Variants in FEM1A observed in about 807,000 individuals in gnomAD.
FEM1A encodes the protein fem-1 homolog A, also known as protein fem-1 homolog A.
In FEM1A, 1 loss-of-function variant was observed where a neutral mutation model predicts 0.7. The ratio of observed to expected loss-of-function variants is 1.35; its 90% CI spans 0.48 to 6.40. The LOEUF (loss-of-function observed/expected upper bound fraction) is 6.40. Ranked by LOEUF, FEM1A falls within the 30% of genes most tolerant of loss-of-function variation. FEM1A has a pLI of 0.14. For missense variants in FEM1A, 721 were observed against 918.7 expected (o/e 0.78, Z 2.78); for synonymous variants, 391 against 420.6 (o/e 0.93, Z 0.86).
chr19:4,795,268 A>G lies in FEM1A; in HGVS notation c.*1404A>G, dbSNP rs1209544512. 1 of 167,060 alleles carries G rather than the reference A, an allele frequency of 6.0e-6. No individual in the cohort carries two copies. The highest frequency in any genetic ancestry group is 2.4e-5 in the African/African-American group (1 of 41,408). The allele number at this position is 167,060 out of a possible 1,614,324, so 10.3% of individuals were successfully genotyped here. A position where few individuals can be genotyped will look rare whatever the true frequency, so the allele number is the denominator to read the frequency against. On this transcript the variant is annotated 3_prime_UTR_variant, in exon 1 of 1. Transcript: ENST00000269856. ...AGCAGCAAACAGCAGCAGGGAAGCC[A>G]TTCTCACTGCATCCTCCCTGCAGTA... is the stretch of plus-strand genomic sequence containing the variant.
chr19:4,792,091 G>A lies in FEM1A; in HGVS notation c.237G>A (p.Glu79=), dbSNP rs769174099. Reference sequence around the variant, plus strand: ...GTGGCTCGGTGCACTTCGATGGCGAGACCATCGAGGGCGCGCCGCCGCTGT... The same window carrying A: ...GTGGCTCGGTGCACTTCGATGGCGAAACCATCGAGGGCGCGCCGCCGCTGT... ...EAGGSVHFDG[E]TIEGAPPLWA... is the part of the protein sequence containing the mutation. The change falls in exon 1 of 1, where the codon GAG becomes GAA. Residue 79 remains glutamate (E), a synonymous_variant. Coordinates refer to ENST00000269856, the MANE Select transcript of FEM1A (RefSeq NM_018708.3). The surrounding 1 kb of genome is among the most constrained non-coding windows in gnomAD (Gnocchi z 6.7). The A allele has an allele frequency of 2.0e-6, 3 of 1,526,786 alleles. No homozygotes were observed. In the African/African-American group the frequency reaches 4.2e-5, roughly 21 times the overall value. 94.6% of individuals were successfully genotyped at this position (1,526,786 alleles called of 1,614,324 possible).
In FEM1A at chr19:4,797,795, G is replaced by C; in HGVS notation, c.*3931G>C. ...CAAAAAAAAAAAAAAAAAAAAATTA[G>C]CCATGTGTAGTGATATGTAGTCCCA... is the stretch of plus-strand genomic sequence containing the variant. On this transcript the variant is annotated 3_prime_UTR_variant, in exon 1 of 1. Coordinates refer to ENST00000269856, the MANE Select transcript of FEM1A (RefSeq NM_018708.3). The C allele has an allele frequency of 7.0e-6, 1 of 142,778 alleles. No individual in the cohort carries two copies. Among genetic ancestry groups the C allele is most frequent in the African/African-American group, 2.6e-5 (1 of 38,318 alleles). 8.8% of individuals were successfully genotyped at this position (142,778 alleles called of 1,614,324 possible).
rs1419799425 is a variant in FEM1A, at chr19:4,793,531, C to G, written c.1677C>G (p.Pro559=). The G allele has an allele frequency of 6.2e-7, 1 of 1,613,166 alleles. No homozygotes were observed. Among genetic ancestry groups the G allele is most frequent in the African/African-American group, 1.3e-5 (1 of 75,040 alleles). Residue 559 remains proline (P), a synonymous_variant, in exon 1 of 1, where the codon CCC becomes CCG. Coordinates refer to ENST00000269856, the MANE Select transcript of FEM1A (RefSeq NM_018708.3). The surrounding 1 kb of genome is among the most constrained non-coding windows in gnomAD (Gnocchi z 5.1). The part of the protein sequence containing the change: ...NVGRYPVGRF[P]SLHVVKVLLD... ...GCCGCTATCCCGTGGGCAGATTCCC[C>G]TCCCTGCACGTGGTCAAAGTGCTGC...
rs1205138848 is a variant in FEM1A, at chr19:4,796,741, T to C, written c.*2877T>C. The C allele has an allele frequency of 6.6e-6, 1 of 152,406 alleles. No homozygotes were observed. Among genetic ancestry groups the C allele is most frequent in the East Asian group, 1.9e-4 (1 of 5,200 alleles). 9.4% of individuals were successfully genotyped at this position (152,406 alleles called of 1,614,324 possible). ...CCTGTGCGCCCGCCTCACGTGGCAGTGGGGAGAGGCCCTGCTGTGGGGCAC... is the reference window on the plus strand; with the variant it reads ...CCTGTGCGCCCGCCTCACGTGGCAGCGGGGAGAGGCCCTGCTGTGGGGCAC... On this transcript the variant is annotated 3_prime_UTR_variant, in exon 1 of 1. Transcript: ENST00000269856.
Position 4,791,826 on chromosome 19 carries a change from C to T in FEM1A, c.-29C>T. The T allele has an allele frequency of 1.4e-6, 2 of 1,456,294 alleles. No homozygotes were observed. Among genetic ancestry groups the T allele is most frequent in the Non-Finnish European group, 1.8e-6 (2 of 1,104,890 alleles). The allele number at this position is 1,456,294 out of a possible 1,614,324, so 90.2% of individuals were successfully genotyped here. Reference sequence around the variant, plus strand: ...CTCCGTCTCCCCGTCCCCCGGCGGCCGGCCCATGGCCTGGCGGAGGCCCGA... The same window carrying T: ...CTCCGTCTCCCCGTCCCCCGGCGGCTGGCCCATGGCCTGGCGGAGGCCCGA... On this transcript the variant is annotated 5_prime_UTR_variant, in exon 1 of 1. Transcript: ENST00000269856.
chr19:4,792,360 T>C lies in FEM1A; in HGVS notation c.506T>C (p.Leu169Pro), dbSNP rs1239693409. The change falls in exon 1 of 1, where the codon CTG becomes CCG. Residue 169 changes from leucine (L) to proline (P), a missense_variant. Leu to Pro is a moderately conservative substitution (Grantham distance 98). Transcript: ENST00000269856. This position sits in a 1 kb window ranked among gnomAD's most constrained non-coding sequence, Gnocchi z 6.7. Reference protein sequence around the residue: ...YKGHREIARYLLEQGAQVNRR... With the variant: ...YKGHREIARYPLEQGAQVNRR... ...GGCCACCGTGAGATCGCCCGCTACC[T>C]GCTGGAGCAGGGCGCCCAGGTGAAC... is the stretch of plus-strand genomic sequence containing the variant. The C allele has an allele frequency of 6.3e-7, 1 of 1,594,980 alleles. No individual in the cohort carries two copies. The highest frequency in any genetic ancestry group is 1.7e-5 in the Admixed American group (1 of 59,916).
rs865797594 is a variant in FEM1A at position 4,796,191 on chromosome 19, T to A, written c.*2327T>A. 0.16 allele frequency: 21,549 copies of A among 137,446 alleles called. 1,565 individuals are homozygous for A. Among genetic ancestry groups the A allele is most frequent in the Middle Eastern group, 0.19 (49 of 258 alleles). 8.5% of individuals were successfully genotyped at this position (137,446 alleles called of 1,614,324 possible). On this transcript the variant is annotated 3_prime_UTR_variant, in exon 1 of 1. Transcript: ENST00000269856. ...CATAGTAAGACCTCTGTCTCTACAT[T>A]TTTTTTTTTTTTTTTTTTGAGATGG...
Position 4,794,072 on chromosome 19 carries a change from G to C in FEM1A, c.*208G>C. 1.7e-6 allele frequency: 1 copy of C among 593,840 alleles called. No homozygotes were observed. The highest frequency in any genetic ancestry group is 3.1e-6 in the Non-Finnish European group (1 of 327,712). The allele number at this position is 593,840 out of a possible 1,614,324, so 36.8% of individuals were successfully genotyped here. A position where few individuals can be genotyped will look rare whatever the true frequency, so the allele number is the denominator to read the frequency against. On this transcript the variant is annotated 3_prime_UTR_variant, in exon 1 of 1. Coordinates refer to ENST00000269856, the MANE Select transcript of FEM1A (RefSeq NM_018708.3). Reference sequence around the variant, plus strand: ...AGCCTGCGGGGTCATGTGCTAAGAGGACAGTCTTTCTCCGGGAGCCCGCTC... The same window carrying C: ...AGCCTGCGGGGTCATGTGCTAAGAGCACAGTCTTTCTCCGGGAGCCCGCTC...
rs770972067 is a variant in FEM1A, at chr19:4,792,711, A to T, written c.857A>T (p.Tyr286Phe). 5 of 1,612,090 alleles carry T rather than the reference A, an allele frequency of 3.1e-6. No homozygotes were observed. In the South Asian group the frequency reaches 5.5e-5, roughly 18 times the overall value. The change falls in exon 1 of 1, where the codon TAC becomes TTC. Residue 286 changes from tyrosine to phenylalanine, a missense_variant. Tyr to Phe is a conservative substitution (Grantham distance 22, BLOSUM62 3). Transcript: ENST00000269856. The surrounding 1 kb of genome is among the most constrained non-coding windows in gnomAD (Gnocchi z 6.7). Reference protein sequence around the residue: ...SPEEPLNGESYESCCPTSREA... With the variant: ...SPEEPLNGESFESCCPTSREA... ...GAGGAACCACTGAACGGGGAATCTT[A>T]CGAAAGCTGCTGTCCCACCAGCCGG...
chr19:4,792,966 G>T lies in FEM1A; in HGVS notation c.1112G>T (p.Arg371Leu), dbSNP rs759620118. The T allele has an allele frequency of 8.1e-6, 13 of 1,612,696 alleles. No homozygotes were observed. The highest frequency in any genetic ancestry group is 1.3e-5 in the African/African-American group (1 of 74,872). ...CTGATCACCGACCCGGATGAGATGC[G>T]CATGCAGGCCCTGTTGATCCGGGAG... Reference protein sequence around the residue: ...EALITDPDEMRMQALLIRERI... With the variant: ...EALITDPDEMLMQALLIRERI... The change falls in exon 1 of 1, where the codon CGC (arginine) becomes CTC (leucine). Residue 371 changes from arginine to leucine, a missense_variant. Around this residue, in one of 4 missense-constraint regions of FEM1A, gnomAD observed 379 missense variants for 454.8 expected, o/e 0.83. Transcript: ENST00000269856. The surrounding 1 kb of genome is among the most constrained non-coding windows in gnomAD (Gnocchi z 6.7).
At position 4,796,787 on chromosome 19, in the gene FEM1A, C is replaced by T. The variant is rs931866763; in HGVS notation, c.*2923C>T. 2.0e-5 allele frequency: 3 copies of T among 152,530 alleles called. No individual in the cohort carries two copies. The allele number at this position is 152,530 out of a possible 1,614,324, so 9.4% of individuals were successfully genotyped here. A position where few individuals can be genotyped will look rare whatever the true frequency, so the allele number is the denominator to read the frequency against. ...GGCACCGCATGCTGCTTCCATGGTG[C>T]ATTGGGTTGGAGGGCTCTTCTCCCG... On this transcript the variant is annotated 3_prime_UTR_variant, in exon 1 of 1. Transcript: ENST00000269856.
In FEM1A at chr19:4,792,535, C is replaced by T; in HGVS notation, c.681C>T (p.His227=). ...TGCTCGCGGCCAGCGTGACGGGCCA[C>T]ACCAACATCGTGGAGTACCTCATCC... The part of the protein sequence containing the change: ...TPLLAASVTG[H]TNIVEYLIQE... The change falls in exon 1 of 1, where the codon CAC becomes CAT. Residue 227 remains histidine, a synonymous_variant. Transcript: ENST00000269856. This position sits in a 1 kb window ranked among gnomAD's most constrained non-coding sequence, Gnocchi z 6.7. 6.2e-7 allele frequency: 1 copy of T among 1,601,764 alleles called. No homozygotes were observed. Among genetic ancestry groups the T allele is most frequent in the Non-Finnish European group, 8.5e-7 (1 of 1,179,720 alleles).
rs34829296 is a variant in FEM1A at position 4,796,189 on chromosome 19, A to ATT, written c.*2344_*2345dup. The ATT allele has an allele frequency of 0.028, 3,737 of 133,320 alleles. 201 individuals carry two copies. The highest frequency in any genetic ancestry group is 0.097 in the African/African-American group (3,347 of 34,472). 8.3% of individuals were successfully genotyped at this position (133,320 alleles called of 1,614,324 possible). ...AACATAGTAAGACCTCTGTCTCTAC[A>ATT]TTTTTTTTTTTTTTTTTTTTGAGAT... On this transcript the variant is annotated 3_prime_UTR_variant, in exon 1 of 1. Transcript: ENST00000269856.
rs1450354734 is a variant in FEM1A at position 4,798,347 on chromosome 19, G to C, written c.*4483G>C. On this transcript the variant is annotated 3_prime_UTR_variant, in exon 1 of 1. Coordinates refer to ENST00000269856, the MANE Select transcript of FEM1A (RefSeq NM_018708.3). ...AGGACAGCCGGGCGCGGTGGCAGAC[G>C]CCTGTAATCCCAGCACTTTGGGAGG... 6.6e-6 allele frequency: 1 copy of C among 151,806 alleles called. No homozygotes were observed. Among genetic ancestry groups the C allele is most frequent in the Admixed American group, 6.6e-5 (1 of 15,192 alleles). The allele number at this position is 151,806 out of a possible 1,614,324, so 9.4% of individuals were successfully genotyped here.
rs529352942 is a variant in FEM1A at position 4,792,215 on chromosome 19, C to T, written c.361C>T (p.Arg121Cys). 4.0e-6 allele frequency: 6 copies of T among 1,501,822 alleles called. No individual in the cohort carries two copies. In the Admixed American group the frequency reaches 1.0e-4, roughly 26 times the overall value. 93.0% of individuals were successfully genotyped at this position (1,501,822 alleles called of 1,614,324 possible). The change falls in exon 1 of 1, where the codon CGC becomes TGC. Residue 121 changes from arginine to cysteine, a missense_variant. By Grantham distance (180) the Arg-to-Cys change is radical (BLOSUM62 -3). This residue lies in a region of FEM1A where 195 missense variants were observed against 316.9 expected (regional missense o/e 0.62). Coordinates refer to ENST00000269856, the MANE Select transcript of FEM1A (RefSeq NM_018708.3). The surrounding 1 kb of genome is among the most constrained non-coding windows in gnomAD (Gnocchi z 6.7). ...RTTRTNSTPL[R>C]AACFDGHLEV... Reference sequence around the variant, plus strand: ...CACGCGCACCAACTCCACGCCTCTCCGCGCCGCCTGCTTCGACGGCCACCT... The same window carrying T: ...CACGCGCACCAACTCCACGCCTCTCTGCGCCGCCTGCTTCGACGGCCACCT...
rs1344402981 is a variant in FEM1A, at chr19:4,794,049, C to G, written c.*185C>G. The G allele has an allele frequency of 4.7e-6, 3 of 634,966 alleles. No homozygotes were observed. The highest frequency in any genetic ancestry group is 3.0e-5 in the Admixed American group (1 of 33,492). The allele number at this position is 634,966 out of a possible 1,614,324, so 39.3% of individuals were successfully genotyped here. A position where few individuals can be genotyped will look rare whatever the true frequency, so the allele number is the denominator to read the frequency against. On this transcript the variant is annotated 3_prime_UTR_variant, in exon 1 of 1. Coordinates refer to ENST00000269856, the MANE Select transcript of FEM1A (RefSeq NM_018708.3). ...GTTAGCGAGCCTTTGGTGCTAGAAG[C>G]CTGCGGGGTCATGTGCTAAGAGGAC...
chr19:4,798,787 C>T lies in FEM1A; in HGVS notation c.*4923C>T, dbSNP rs1231133488. On this transcript the variant is annotated 3_prime_UTR_variant, in exon 1 of 1. Coordinates refer to ENST00000269856, the MANE Select transcript of FEM1A (RefSeq NM_018708.3). ...GTTGTTTTGGCACAAGCTCTCCCAT[C>T]CCTGGGGCAGGTGGCCATCCTGCCT... is the stretch of plus-strand genomic sequence containing the variant. The T allele has an allele frequency of 6.6e-6, 1 of 152,168 alleles. No homozygotes were observed. Among genetic ancestry groups the T allele is most frequent in the African/African-American group, 2.4e-5 (1 of 41,426 alleles). 9.4% of individuals were successfully genotyped at this position (152,168 alleles called of 1,614,324 possible). A position where few individuals can be genotyped will look rare whatever the true frequency, so the allele number is the denominator to read the frequency against.
In FEM1A at chr19:4,800,210, C is replaced by T. The variant is rs1297479945; in HGVS notation, c.*6346C>T. On this transcript the variant is annotated 3_prime_UTR_variant, in exon 1 of 1. Transcript: ENST00000269856. ...ACAGCCCTCTTAAGAGGAAGGCCATCTTAAAGCTCTACCAGCTTCAGGTGA... is the reference window on the plus strand; with the variant it reads ...ACAGCCCTCTTAAGAGGAAGGCCATTTTAAAGCTCTACCAGCTTCAGGTGA... 1 of 152,310 alleles carries T rather than the reference C, an allele frequency of 6.6e-6. No homozygotes were observed. Among genetic ancestry groups the T allele is most frequent in the African/African-American group, 2.4e-5 (1 of 41,460 alleles). The allele number at this position is 152,310 out of a possible 1,614,324, so 9.4% of individuals were successfully genotyped here. A position where few individuals can be genotyped will look rare whatever the true frequency, so the allele number is the denominator to read the frequency against.
Position 4,793,650 on chromosome 19 carries a change from C to T in FEM1A, c.1796C>T (p.Ala599Val), listed in dbSNP as rs2093557555. 1 of 1,612,976 alleles carries T rather than the reference C, an allele frequency of 6.2e-7. No homozygotes were observed. Among genetic ancestry groups the T allele is most frequent in the South Asian group, 1.1e-5 (1 of 91,040 alleles). ...AACAACTGCCCGGCCATCATGAATGCCCTGATCGAAGCAGGGGCCCACATG... is the reference window on the plus strand; with the variant it reads ...AACAACTGCCCGGCCATCATGAATGTCCTGATCGAAGCAGGGGCCCACATG... ...AQNNCPAIMN[A>V]LIEAGAHMDA... Residue 599 changes from alanine to valine, a missense_variant, in exon 1 of 1, where the codon GCC becomes GTC. Transcript: ENST00000269856. This position sits in a 1 kb window ranked among gnomAD's most constrained non-coding sequence, Gnocchi z 5.1.
Sources: gnomAD v4.1 joint callset for allele counts on GRCh38, gnomAD v4.1.1 for gene constraint, gnomAD v4.1.1 regional missense constraint, Gnocchi (gnomAD v3.1) non-coding constraint, MANE v1.5 for transcripts, NCBI Gene and HGNC (gene_info 2026-07-23, HGNC 2026-07-21) for gene names.